CHID1: variants seen among roughly 807,000 people sequenced by gnomAD.
The protein encoded by CHID1 is chitinase domain-containing protein 1.
Under a neutral mutation model 55.4 loss-of-function variants are expected in CHID1, and 44 were observed. The ratio of observed to expected loss-of-function variants is 0.79; its 90% CI spans 0.62 to 1.02. CHID1 has a LOEUF of 1.02. Ranked by LOEUF, CHID1 falls within the 50% of genes least tolerant of loss-of-function variation. The pLI, the probability that CHID1 is intolerant of heterozygous loss-of-function variation, is 0.00. For missense variants in CHID1, 491 were observed against 515.3 expected (o/e 0.95, Z 0.46); for synonymous variants, 216 against 212.9 (o/e 1.01, Z -0.13).
intron 8 of CHID1, among the ~76,000 whole-genome samples, chr11:885,665 C>T (rs904466839): frequency 4.6e-5 from 7 of 152,198 alleles, no homozygotes; most frequent in South Asian, 2.1e-4. Flanking sequence ...CTGGAACCTT[C>T]CTGCCCTGCA....
At chr11:873,444 T>C (rs1849303208) in intron 10 of CHID1, among the ~76,000 whole-genome samples, 1 of 151,798 alleles carries the variant, frequency 6.6e-6, no homozygotes, top group Non-Finnish European at 1.5e-5. Context: ...ACAGGTCTTT[T>C]GGGCGCAGGC....
At chr11:890,485 GACA>G (rs940728870) in intron 8 of CHID1, among the ~76,000 whole-genome samples, 6 of 152,320 alleles carry the variant, frequency 3.9e-5, no homozygotes, top group African/African-American at 1.4e-4. Context: ...GTGGACCACT[GACA>G]ACAAGGCCGG....
At chr11:879,050 G>A (rs1452149213) in intron 10 of CHID1, among the ~76,000 whole-genome samples, 1 of 152,180 alleles carries the variant, frequency 6.6e-6, no homozygotes, top group Non-Finnish European at 1.5e-5. Context: ...GTTTCACCGT[G>A]TTAGCCAGGA....
chr11:910,774 C>T lies in CHID1; in HGVS notation c.-44+1G>A. The T allele has an allele frequency of 8.7e-7, 1 of 1,143,358 alleles. No homozygotes were observed. Among genetic ancestry groups the T allele is most frequent in the South Asian group, 1.7e-5 (1 of 59,744 alleles). The allele number at this position is 1,143,358 out of a possible 1,614,324, so 70.8% of individuals were successfully genotyped here. ...CAGGGGCCGGCCGCCGCGGGGCTCACCTGCATGTCAGGGAGGCCGGACGGC... is the reference window on the plus strand; with the variant it reads ...CAGGGGCCGGCCGCCGCGGGGCTCATCTGCATGTCAGGGAGGCCGGACGGC... On this transcript the variant is annotated splice_donor_variant, in intron 1 of 12. Transcript: ENST00000323578. LOFTEE classifies it low-confidence loss of function (5UTR_SPLICE).
chr11:891,956 A>T (rs866484376), intron 8 of CHID1, among the ~76,000 whole-genome samples: 1 of 151,582 alleles, frequency 6.6e-6, no homozygotes, highest in African/African-American at 2.4e-5. Context: ...AAAAAAAAAA[A>T]AAAACACAAA....
intron 1 of CHID1, chr11:910,527 C>A (rs1248687728): frequency 1.5e-5 from 14 of 941,092 alleles, no homozygotes; most frequent in Non-Finnish European, 1.9e-5. Context: ...CCCCCGTCCA[C>A]ACTCGCCCTC....
intron 1 of CHID1, among the ~76,000 whole-genome samples, chr11:907,479 TAA>T (rs76779017): frequency 9.1e-5 from 13 of 142,278 alleles, no homozygotes; most frequent in Admixed American, 1.4e-4. Context: ...AGACTGTCTT[TAA>T]AAAAAAAAAA....
intron 10 of CHID1, among the ~76,000 whole-genome samples, chr11:873,070 C>G (rs1184107128): frequency 2.0e-5 from 3 of 152,148 alleles, no homozygotes; most frequent in African/African-American, 7.2e-5. Context: ...CAAGCAGGCC[C>G]TGGGGACGAG....
At chr11:894,755 G>A (rs1031975771) in intron 7 of CHID1, among the ~76,000 whole-genome samples, 8 of 152,168 alleles carry the variant, frequency 5.3e-5, no homozygotes, top group Non-Finnish European at 1.0e-4. Context: ...AGGTCAGGAC[G>A]AGGTGACGGT....
At position 870,490 on chromosome 11, in the gene CHID1, C is replaced by T. The variant is rs1849098935; in HGVS notation, c.969G>A (p.Gln323=). The change falls in exon 11 of 13, where the codon CAG becomes CAA. Residue 323 remains glutamine (Q), a synonymous_variant. Transcript: ENST00000323578. ...TCCGGGGCCTGTGGTCCTTCAGTGT[C>T]TGGATGTACCTGGGGAGACCAGGAT... ...REPVVGARYI[Q]TLKDHRPRMV... 6.2e-7 allele frequency: 1 copy of T among 1,609,006 alleles called. No individual in the cohort carries two copies. Among genetic ancestry groups the T allele is most frequent in the East Asian group, 2.2e-5 (1 of 44,836 alleles).
chr11:912,026 G>A (rs1285209474), upstream of CHID1, among the ~76,000 whole-genome samples: 1 of 152,222 alleles, frequency 6.6e-6, no homozygotes, highest in Non-Finnish European at 1.5e-5. Flanking sequence ...GGTCTTTGGC[G>A]CTAAAGAATT....
At chr11:904,578 C>G (rs1290552499) in intron 2 of CHID1, 128 bp downstream of exon 2, 2 of 1,078,904 alleles carry the variant, frequency 1.9e-6, no homozygotes, top group Non-Finnish European at 2.7e-6. Context: ...GCGGGCTCAT[C>G]AGGTGCCTTT....
chr11:897,435 G>A (rs1264720488), intron 7 of CHID1, among the ~76,000 whole-genome samples: 4 of 152,232 alleles, frequency 2.6e-5, no homozygotes, highest in Admixed American at 6.5e-5. Flanking sequence ...GGAAGCAGGC[G>A]GGCTCTGTCT....
At chr11:877,192 G>A (rs1849577870) in intron 10 of CHID1, among the ~76,000 whole-genome samples, 1 of 152,132 alleles carries the variant, frequency 6.6e-6, no homozygotes, top group Non-Finnish European at 1.5e-5. Flanking sequence ...TTTGTAATCA[G>A]AATTCCTTGG....
At chr11:896,108 C>A (rs903036428) in intron 7 of CHID1, among the ~76,000 whole-genome samples, 1 of 141,814 alleles carries the variant, frequency 7.1e-6, no homozygotes, top group African/African-American at 2.8e-5. Context: ...ACACAACGAG[C>A]CTGTCTCAGT....
At chr11:899,203 T>C in intron 7 of CHID1, 137 bp downstream of exon 7, 1 of 794,250 alleles carries the variant, frequency 1.3e-6, no homozygotes, top group Non-Finnish European at 2.0e-6. Context: ...TGTCCATCTT[T>C]TGTGCAGCCC....
At chr11:893,672 C>T (rs1851022394) in intron 7 of CHID1, among the ~76,000 whole-genome samples, 153 bp from the exon 8 acceptor site, 1 of 152,182 alleles carries the variant, frequency 6.6e-6, no homozygotes, top group African/African-American at 2.4e-5. Context: ...AACTTCCTAT[C>T]CATCTCTGGA....
At chr11:871,340 C>A (rs572534315) in intron 10 of CHID1, among the ~76,000 whole-genome samples, 1 of 152,242 alleles carries the variant, frequency 6.6e-6, no homozygotes, top group South Asian at 2.1e-4. Flanking sequence ...ACAATGACCA[C>A]CCCATGCCCA....
chr11:883,199 CCATAG>C lies in CHID1; in HGVS notation c.903_907del (p.Phe301LeufsTer12), dbSNP rs776663672. 19 of 1,614,212 alleles carry C rather than the reference CCATAG, an allele frequency of 1.2e-5. No homozygotes were observed. The highest frequency in any genetic ancestry group is 1.4e-5 in the Non-Finnish European group (16 of 1,180,020). ...ATCCTTGGAGGTCGCGTAGTCCATA[CCATAG>C]AAGTTGAGCCCCAGGAGGATTTTGC... On this transcript the variant is annotated frameshift_variant, in exon 10 of 13. Transcript: ENST00000323578. LOFTEE classifies it high-confidence loss of function.
Sources: allele counts gnomAD v4.1 joint callset (sites outside exome capture counted in the v4.1 genomes callset), GRCh38; gene constraint gnomAD v4.1.1; transcripts MANE v1.5; gene names NCBI Gene and HGNC (gene_info 2026-07-23, HGNC 2026-07-21).